STK3: variants seen among roughly 807,000 people sequenced by gnomAD.
STK3 encodes the protein serine/threonine-protein kinase 3.
A neutral mutation model predicts 58.0 loss-of-function variants in STK3; 41 were observed. The ratio of observed to expected loss-of-function variants is 0.71; its 90% confidence interval spans 0.55 to 0.92. The LOEUF (loss-of-function observed/expected upper bound fraction) is 0.92, where lower values mean the gene tolerates loss of function less well. STK3 is among the 40% of genes least tolerant of loss of function. STK3 has a pLI of 0.00. For synonymous variants in STK3, 170 were observed against 191.0 expected, an observed-to-expected ratio of 0.89 and a Z score of 0.91; for missense variants, 479 against 602.7, an observed-to-expected ratio of 0.79 and a Z score of 2.15.
chr8:98,625,833 GC>G (rs1310175545), intron 6 of STK3, among the ~76,000 whole-genome samples: 4 of 152,186 alleles, frequency 2.6e-5, no homozygotes, highest in African/African-American at 9.6e-5. Flanking sequence ...ATCCACAGCA[GC>G]TCAGAATGCT....
intron 10 of STK3, among the ~76,000 whole-genome samples, chr8:98,503,990 A>G (rs1427146398): frequency 1.3e-5 from 2 of 152,192 alleles, no homozygotes; most frequent in Non-Finnish European, 2.9e-5. Flanking sequence ...GTGGGGTGCT[A>G]AAGTCTCCCA....
rs373877794 is a variant in STK3, at chr8:98,686,439, G to A, written c.684+20028C>T. 9.2e-5 allele frequency among the ~76,000 whole-genome samples: 14 copies of A among 152,084 alleles called. 1 individual carries two copies. In the South Asian group the frequency reaches 1.9e-3, roughly 20 times the overall value. ...ATTAATGATTAAATTTAGTATTGAC[G>A]AAAACATGGGACTGTCCCATCATGA... is the stretch of plus-strand genomic sequence containing the variant. On this transcript the variant is annotated intron_variant, in intron 6 of 10. Coordinates refer to ENST00000419617, the MANE Select transcript of STK3 (RefSeq NM_006281.4).
intron 6 of STK3, among the ~76,000 whole-genome samples, chr8:98,607,170 A>T (rs1308936292): frequency 6.6e-6 from 1 of 152,270 alleles, no homozygotes; most frequent in African/African-American, 2.4e-5. Flanking sequence ...AGCAACTGAT[A>T]TAAGAAGCAC....
intron 3 of STK3, among the ~76,000 whole-genome samples, chr8:98,878,687 G>C (rs1197210064): frequency 6.6e-6 from 1 of 152,094 alleles, no homozygotes; most frequent in Non-Finnish European, 1.5e-5. Context: ...TCCAGTGTGC[G>C]CTCACCATTG....
intron 10 of STK3, among the ~76,000 whole-genome samples, chr8:98,500,024 T>C (rs1251655685): frequency 1.3e-5 from 2 of 152,162 alleles, no homozygotes; most frequent in Non-Finnish European, 2.9e-5. Flanking sequence ...CTACCTCATA[T>C]GGCAAAGACT....
At chr8:98,710,417 C>T (rs907535440) in intron 4 of STK3, among the ~76,000 whole-genome samples, 2 of 152,162 alleles carry the variant, frequency 1.3e-5, no homozygotes, top group African/African-American at 2.4e-5. Flanking sequence ...ACAGATGGCA[C>T]CTGGAAAATC....
chr8:98,616,790 A>G (rs1197647324), intron 6 of STK3, among the ~76,000 whole-genome samples: 3 of 151,004 alleles, frequency 2.0e-5, no homozygotes, highest in African/African-American at 7.3e-5. Flanking sequence ...CACCCAATAC[A>G]GGAGCACCCA....
chr8:98,710,075 ATC>A (rs1826278797), intron 4 of STK3, among the ~76,000 whole-genome samples: 1 of 152,108 alleles, frequency 6.6e-6, no homozygotes, highest in Non-Finnish European at 1.5e-5. Flanking sequence ...AAGTAAAATT[ATC>A]TCTGTTCACA....
chr8:98,776,839 A>G (rs1004365546), intron 1 of STK3, among the ~76,000 whole-genome samples: 2 of 151,702 alleles, frequency 1.3e-5, no homozygotes, highest in African/African-American at 4.8e-5. Flanking sequence ...TCACGAGGTC[A>G]GGAGACCGAG....
intron 10 of STK3, among the ~76,000 whole-genome samples, chr8:98,507,193 T>C (rs1309346968): frequency 6.6e-6 from 1 of 152,152 alleles, no homozygotes; most frequent in African/African-American, 2.4e-5. Context: ...TTACCACAAA[T>C]TCCAGCCTAG....
chr8:98,681,219 G>A (rs992001507), intron 6 of STK3, among the ~76,000 whole-genome samples: 8 of 151,760 alleles, frequency 5.3e-5, no homozygotes, highest in East Asian at 1.9e-4. Flanking sequence ...GGCTGGTCTC[G>A]AACTCCTGAC....
chr8:98,689,955 C>A (rs959110286), intron 6 of STK3, among the ~76,000 whole-genome samples: 2 of 152,118 alleles, frequency 1.3e-5, no homozygotes, highest in Admixed American at 6.5e-5. Flanking sequence ...ATATAATCAT[C>A]TCAATAGACA....
At chr8:98,448,644 A>C (rs1451118923) in intron 1 of STK3, among the ~76,000 whole-genome samples, 2 of 152,206 alleles carry the variant, frequency 1.3e-5, no homozygotes, top group Non-Finnish European at 2.9e-5. Context: ...TTCTATAAAA[A>C]TTTAAAAGAC....
At chr8:98,645,375 C>A (rs1363442627) in intron 6 of STK3, among the ~76,000 whole-genome samples, 1 of 152,200 alleles carries the variant, frequency 6.6e-6, no homozygotes, top group African/African-American at 2.4e-5. Flanking sequence ...AAACCTGGAT[C>A]TCTGACTTAA....
chr8:98,385,078 C>T (rs1817776665), intron 1 of STK3, among the ~76,000 whole-genome samples: 1 of 152,054 alleles, frequency 6.6e-6, no homozygotes, highest in African/African-American at 2.4e-5. Flanking sequence ...AAAAGCCAGT[C>T]ATCAGTTTTC....
At chr8:98,818,355 T>C (rs1834680127) in intron 1 of STK3, among the ~76,000 whole-genome samples, 1 of 152,174 alleles carries the variant, frequency 6.6e-6, no homozygotes, top group Non-Finnish European at 1.5e-5. Flanking sequence ...TTACTGAATG[T>C]ATGAATAAAT....
intron 3 of STK3, chr8:98,429,416 G>A (rs201960586): frequency 2.1e-5 from 34 of 1,594,960 alleles, no homozygotes; most frequent in East Asian, 1.8e-4. Context: ...TACGTTAGCC[G>A]GGAGGACTTG....
intron 6 of STK3, among the ~76,000 whole-genome samples, chr8:98,622,245 G>C (rs1048624618): frequency 7.9e-5 from 12 of 151,722 alleles, no homozygotes; most frequent in Non-Finnish European, 1.6e-4. Context: ...CTCCAGCCTG[G>C]GTGACAGTAT....
intron 1 of STK3, among the ~76,000 whole-genome samples, chr8:98,900,904 C>T (rs1222792124): frequency 2.6e-5 from 4 of 151,784 alleles, no homozygotes; most frequent in African/African-American, 9.7e-5. Flanking sequence ...TCAAGTGATC[C>T]GCCTGCCTCG....
Sources: allele counts gnomAD v4.1 joint callset (sites outside exome capture counted in the v4.1 genomes callset), GRCh38; gene constraint gnomAD v4.1.1; transcripts MANE v1.5; gene names NCBI Gene and HGNC (gene_info 2026-07-23, HGNC 2026-07-21).